Variants in HYDIN observed in about 807,000 individuals in gnomAD.
The protein encoded by HYDIN is axonemal central pair apparatus protein HYDIN.
A neutral mutation model predicts 403.9 loss-of-function variants in HYDIN; 132 were observed. The observed-to-expected ratio is 0.33, with a 90% CI of 0.28 to 0.38. The LOEUF (loss-of-function observed/expected upper bound fraction) is 0.38, where lower values mean the gene tolerates loss of function less well. Ranked by LOEUF, HYDIN falls within the 10% of genes least tolerant of loss-of-function variation. The probability of loss-of-function intolerance (pLI) is 1.00; values close to 1 mark genes in which losing one functional copy is unlikely to be tolerated. For missense variants in HYDIN, 2,827 were observed against 5,009.5 expected (o/e 0.56, Z 13.15); for synonymous variants, 1,202 against 1,891.7 (o/e 0.64, Z 9.46).
rs2035337420 is a variant in HYDIN at position 70,809,708 on chromosome 16, T to C, written c.14883+75A>G. 4 of 1,159,308 alleles carry C rather than the reference T, an allele frequency of 3.5e-6. No individual in the cohort carries two copies. The South Asian group carries it at 3.8e-5, about 11-fold the overall frequency. The allele number at this position is 1,159,308 out of a possible 1,614,324, so 71.8% of individuals were successfully genotyped here. A position where few individuals can be genotyped will look rare whatever the true frequency, so the allele number is the denominator to read the frequency against. ...CTCTGAGTCTCACATTCATGCTCCCTGTGTCTCCTCTCATTGTTTTTGAAC... is the reference window on the plus strand; with the variant it reads ...CTCTGAGTCTCACATTCATGCTCCCCGTGTCTCCTCTCATTGTTTTTGAAC... On this transcript the variant is annotated intron_variant, in intron 85 of 85. Transcript: ENST00000393567.
intron 18 of HYDIN, among the ~76,000 whole-genome samples, chr16:71,054,965 T>C (rs575711462): frequency 2.6e-5 from 4 of 152,412 alleles, no homozygotes; most frequent in Admixed American, 2.6e-4. Context: ...TTTATATATG[T>C]ACATTTCAAC....
intron 84 of HYDIN, chr16:70,817,313 TCTA>T (rs1418117142): frequency 6.6e-6 from 1 of 151,536 alleles, no homozygotes; most frequent in Non-Finnish European, 1.5e-5. Flanking sequence ...GACCTGTGGT[TCTA>T]CTCCTAGGCA....
intron 36 of HYDIN, among the ~76,000 whole-genome samples, chr16:70,969,404 C>T (rs2078674475): frequency 6.6e-6 from 1 of 152,154 alleles, no homozygotes; most frequent in Admixed American, 6.5e-5. Flanking sequence ...ATGAAATCTT[C>T]CCTACAGAGG....
chr16:70,867,028 CAAAAA>C (rs34578135), intron 66 of HYDIN, among the ~76,000 whole-genome samples: 2 of 92,966 alleles, frequency 2.2e-5, no homozygotes, highest in Admixed American at 2.4e-4. Flanking sequence ...CTGTCCCCCT[CAAAAA>C]AAAAAAAAAA....
rs537942179 is a variant in HYDIN at position 71,038,616 on chromosome 16, A to T, written c.2530-6699T>A. The stretch of plus-strand genomic sequence containing the variant: ...ATTATCTCAGCAGATGACCGGCACT[A>T]TGTGGAACAAGAACAATGAAGGGTC... On this transcript the variant is annotated intron_variant, in intron 18 of 85. Coordinates refer to ENST00000393567, the MANE Select transcript of HYDIN (RefSeq NM_001270974.2). 1.5e-4 allele frequency among the ~76,000 whole-genome samples: 23 copies of T among 152,280 alleles called. No individual in the cohort carries two copies. The South Asian group carries it at 4.8e-3, about 32-fold the overall frequency.
In HYDIN at chr16:70,938,462, T is replaced by A. The variant is rs8063514; in HGVS notation, c.6995+152A>T. 5.6e-3 allele frequency: 4,005 copies of A among 719,736 alleles called. 86 individuals carry two copies. In the African/African-American group the frequency reaches 0.059, roughly 11 times the overall value. The allele number at this position is 719,736 out of a possible 1,614,324, so 44.6% of individuals were successfully genotyped here. On this transcript the variant is annotated intron_variant, in intron 44 of 85. Coordinates refer to ENST00000393567, the MANE Select transcript of HYDIN (RefSeq NM_001270974.2). ...CAGCACCCTTGATGGGCGGGATGCATCTTTCTGCTCCTTGCAGGTCACCTT... is the reference window on the plus strand; with the variant it reads ...CAGCACCCTTGATGGGCGGGATGCAACTTTCTGCTCCTTGCAGGTCACCTT...
rs11075807 is a variant in HYDIN, at chr16:70,887,839, A to G, written c.9774+1748T>C. ...GCTGGGACTACAGGCACCTGCCACC[A>G]TGCCTGGCTATTTTTTTGTATTTTT... is the stretch of plus-strand genomic sequence containing the variant. On this transcript the variant is annotated intron_variant, in intron 58 of 85. Transcript: ENST00000393567. Among the ~76,000 whole-genome samples, 6 of 149,344 alleles carry G rather than the reference A, an allele frequency of 4.0e-5. No homozygotes were observed. The Admixed American group carries it at 4.0e-4, about 10-fold the overall frequency.
At chr16:71,222,208 T>C (rs1445204453) in intron 1 of HYDIN, among the ~76,000 whole-genome samples, 2 of 151,944 alleles carry the variant, frequency 1.3e-5, no homozygotes, top group South Asian at 2.1e-4. Flanking sequence ...ATGTGATATA[T>C]CACATAAACA....
At chr16:70,840,579 T>A in intron 75 of HYDIN, among the ~76,000 whole-genome samples, 2 of 152,232 alleles carry the variant, frequency 1.3e-5, no homozygotes, top group Non-Finnish European at 2.9e-5. Context: ...TGCAAATGCT[T>A]CATTTTACAC....
chr16:70,874,902 C>G lies in HYDIN; in HGVS notation c.10575G>C (p.Gln3525His). ...VLPAQLHVDL[Q>H]DELGVFSLKG... ...TCAGGGAGAAGACTCCTAGCTCATC[C>G]TGCAGGTCAACATGCAGCTGGCAGA... Residue 3525 changes from glutamine to histidine, a missense_variant, in exon 63 of 86, where the codon CAG becomes CAC. By Grantham distance (24) the Gln-to-His change is conservative (BLOSUM62 0). Transcript: ENST00000393567. 6.2e-7 allele frequency: 1 copy of G among 1,606,324 alleles called. No individual in the cohort carries two copies. Among genetic ancestry groups the G allele is most frequent in the African/African-American group, 1.3e-5 (1 of 74,702 alleles).
chr16:71,037,463 C>A (rs2144180692), intron 18 of HYDIN, among the ~76,000 whole-genome samples: 1 of 152,168 alleles, frequency 6.6e-6, no homozygotes, highest in East Asian at 1.9e-4. Context: ...TATCCTCCCC[C>A]AGTTACTTAG....
intron 13 of HYDIN, 88 bp from the exon 14 acceptor site, chr16:71,069,590 T>A: frequency 1.5e-6 from 1 of 683,778 alleles, no homozygotes; most frequent in Non-Finnish European, 2.5e-6. Context: ...CTAAGCTTCT[T>A]GAATGAACTG....
chr16:70,977,961 G>C (rs1295629791), intron 30 of HYDIN, among the ~76,000 whole-genome samples: 1 of 151,616 alleles, frequency 6.6e-6, no homozygotes, highest in Non-Finnish European at 1.5e-5. Context: ...CCCATTTCCT[G>C]TGATTGCAAT....
At chr16:71,129,973 T>C (rs1450236247) in intron 8 of HYDIN, 150 bp from the exon 9 acceptor site, 49 of 683,868 alleles carry the variant, frequency 7.2e-5, no homozygotes, top group South Asian at 6.4e-4. Flanking sequence ...CTGCTGCCCT[T>C]GCACTCAGTC....
chr16:71,216,371 G>A (rs1488922972), intron 1 of HYDIN, among the ~76,000 whole-genome samples: 1 of 152,194 alleles, frequency 6.6e-6, no homozygotes, highest in Non-Finnish European at 1.5e-5. Context: ...TACATACAGT[G>A]TGATTCAATT....
At chr16:71,197,323 A>G (rs1013496183) in intron 1 of HYDIN, among the ~76,000 whole-genome samples, 1 of 152,216 alleles carries the variant, frequency 6.6e-6, no homozygotes, top group African/African-American at 2.4e-5. Flanking sequence ...AGGAGTAAAG[A>G]TGAAACTCAG....
At chr16:70,959,364 G>C (rs2078339697) in intron 39 of HYDIN, 1 of 192,374 alleles carries the variant, frequency 5.2e-6, no homozygotes, top group Non-Finnish European at 1.0e-5. Context: ...ATTGAGATAA[G>C]CATTTTATAT....
chr16:70,977,643 G>C (rs1193914091), intron 30 of HYDIN, among the ~76,000 whole-genome samples: 1 of 112,358 alleles, frequency 8.9e-6, no homozygotes, highest in Non-Finnish European at 1.7e-5. Context: ...ATTTGCATTT[G>C]GAAAGAACAG....
At chr16:70,811,523 A>G (rs1233167410) in intron 84 of HYDIN, 1 of 151,420 alleles carries the variant, frequency 6.6e-6, no homozygotes, top group African/African-American at 2.4e-5. Context: ...AGAATATAGT[A>G]TAAGAATTTA....
Sources: gnomAD v4.1 joint callset for allele counts (sites outside exome capture counted in the v4.1 genomes callset) on GRCh38, gnomAD v4.1.1 for gene constraint, MANE v1.5 for transcripts, NCBI Gene and HGNC (gene_info 2026-07-23, HGNC 2026-07-21) for gene names.